Variants in MYO16 observed in about 807,000 individuals in gnomAD.
The protein encoded by MYO16 is unconventional myosin-XVI.
In MYO16, 94 loss-of-function variants were observed where a neutral mutation model predicts 205.3. The observed-to-expected ratio is 0.46, with a 90% CI of 0.39 to 0.54. MYO16 has a LOEUF of 0.54. Among genes scored for constraint, MYO16 ranks in the 20% least tolerant of loss-of-function variants. The pLI is 0.00. For missense variants in MYO16, 2,315 were observed against 2,387.5 expected (o/e 0.97, Z 0.63); for synonymous variants, 988 against 954.0 (o/e 1.04, Z -0.66).
Position 109,184,165 on chromosome 13 carries a change from C to A in MYO16, c.5415+4532C>A, listed in dbSNP as rs145632272. Among the ~76,000 whole-genome samples the A allele has an allele frequency of 5.3e-5, 8 of 152,132 alleles. No individual in the cohort carries two copies. In the East Asian group the frequency reaches 1.5e-3, roughly 29 times the overall value. On this transcript the variant is annotated intron_variant, in intron 34 of 34. Coordinates refer to ENST00000457511, the MANE Select transcript of MYO16 (RefSeq NM_001198950.3). ...ATGTCAGGGAACGTAAGTAAGATAACCCTTTCAAAAGGAAACATATATAAA... is the reference window on the plus strand; with the variant it reads ...ATGTCAGGGAACGTAAGTAAGATAAACCTTTCAAAAGGAAACATATATAAA...
intron 34 of MYO16, among the ~76,000 whole-genome samples, chr13:109,196,212 G>A (rs1261254248): frequency 6.6e-6 from 1 of 152,158 alleles, no homozygotes; most frequent in African/African-American, 2.4e-5. Flanking sequence ...ATGGAAAGTA[G>A]ATTCATGTCT....
chr13:109,103,332 G>A (rs1889028498), intron 28 of MYO16, among the ~76,000 whole-genome samples: 1 of 152,122 alleles, frequency 6.6e-6, no homozygotes, highest in Non-Finnish European at 1.5e-5. Context: ...GGACAACAAG[G>A]TTGTATCGGA....
intron 2 of MYO16, among the ~76,000 whole-genome samples, chr13:108,693,875 A>G (rs1161143234): frequency 1.3e-5 from 2 of 152,106 alleles, no homozygotes; most frequent in African/African-American, 4.8e-5. Context: ...TTCACCCTCC[A>G]GTTGGCCCCA....
intron 23 of MYO16, among the ~76,000 whole-genome samples, chr13:109,037,992 G>T (rs1886767921): frequency 6.7e-6 from 1 of 149,842 alleles, no homozygotes; most frequent in Non-Finnish European, 1.5e-5. Context: ...TGTGAGTAGG[G>T]TAGAGGAAAG....
At chr13:108,915,195 C>T (rs1273615867) in intron 16 of MYO16, among the ~76,000 whole-genome samples, 2 of 152,102 alleles carry the variant, frequency 1.3e-5, no homozygotes, top group African/African-American at 4.8e-5. Flanking sequence ...TGCATGAAAA[C>T]AGTATTTATA....
In MYO16 at chr13:108,883,050, G is replaced by A; in HGVS notation, c.1426-9G>A. The A allele has an allele frequency of 6.2e-7, 1 of 1,613,660 alleles. No individual in the cohort carries two copies. Among genetic ancestry groups the A allele is most frequent in the Non-Finnish European group, 8.5e-7 (1 of 1,179,724 alleles). On this transcript the variant is annotated splice_polypyrimidine_tract_variant and intron_variant, in intron 12 of 34. Coordinates refer to ENST00000457511, the MANE Select transcript of MYO16 (RefSeq NM_001198950.3). Reference sequence around the variant, plus strand: ...GAGGTTTTCCCCTTGCTGCTGCCCTGTTTTCCAGGTGTCCCAGCTGTATTT... The same window carrying A: ...GAGGTTTTCCCCTTGCTGCTGCCCTATTTTCCAGGTGTCCCAGCTGTATTT...
intron 1 of MYO16, among the ~76,000 whole-genome samples, chr13:108,622,217 T>A (rs1879568921): frequency 1.3e-5 from 2 of 152,144 alleles, no homozygotes; most frequent in South Asian, 4.1e-4. Context: ...TTCATGAATA[T>A]AAAGATAGCA....
At position 108,784,298 on chromosome 13, in the gene MYO16, TGAG is replaced by T. The variant is rs79658413; in HGVS notation, c.508-1334_508-1332del. ...TGCACTAACAAGATAATTTGAATCT[TGAG>T]GACCTTAAAATTATAAAGGTCCTTA... On this transcript the variant is annotated intron_variant, in intron 4 of 34. Coordinates refer to ENST00000457511, the MANE Select transcript of MYO16 (RefSeq NM_001198950.3). Among the ~76,000 whole-genome samples, 15 of 152,316 alleles carry T rather than the reference TGAG, an allele frequency of 9.8e-5. No homozygotes were observed. The East Asian group carries it at 2.9e-3, about 29-fold the overall frequency.
intron 34 of MYO16, among the ~76,000 whole-genome samples, chr13:109,189,701 C>T (rs999934206): frequency 6.6e-6 from 1 of 152,100 alleles, no homozygotes; most frequent in African/African-American, 2.4e-5. Context: ...GAAAAAAAAT[C>T]GTCTTTTATG....
rs142982422 is a variant in MYO16, at chr13:108,650,825, T to C, written c.29-15061T>C. Among the ~76,000 whole-genome samples the C allele has an allele frequency of 4.6e-3, 701 of 152,278 alleles. 4 individuals carry two copies. The highest frequency in any genetic ancestry group is 0.016 in the African/African-American group (666 of 41,564). ...GGGGCATTTAGGAAAAGACAGGTTCTGGTGTGCAGCATATGACGCTTCATC... is the reference window on the plus strand; with the variant it reads ...GGGGCATTTAGGAAAAGACAGGTTCCGGTGTGCAGCATATGACGCTTCATC... On this transcript the variant is annotated intron_variant, in intron 1 of 34. Coordinates refer to ENST00000457511, the MANE Select transcript of MYO16 (RefSeq NM_001198950.3).
chr13:108,803,550 A>G (rs561643261), intron 6 of MYO16, among the ~76,000 whole-genome samples: 2 of 152,140 alleles, frequency 1.3e-5, no homozygotes, highest in Non-Finnish European at 2.9e-5. Flanking sequence ...GGATCATAAG[A>G]AGAGAAGATG....
chr13:109,185,555 C>A (rs1176746099), intron 34 of MYO16, among the ~76,000 whole-genome samples: 1 of 152,110 alleles, frequency 6.6e-6, no homozygotes, highest in Non-Finnish European at 1.5e-5. Flanking sequence ...CAATATTTTT[C>A]TGGGATTTTG....
the MYO16 span, among the ~76,000 whole-genome samples, chr13:108,588,480 T>C: frequency 6.6e-6 from 1 of 152,210 alleles, no homozygotes; most frequent in East Asian, 1.9e-4. Context: ...GTTTTTAATA[T>C]ACTTCCCCTC....
chr13:108,639,636 A>G (rs1880412141), intron 1 of MYO16, among the ~76,000 whole-genome samples: 1 of 152,228 alleles, frequency 6.6e-6, no homozygotes, highest in African/African-American at 2.4e-5. Context: ...ATCCACTAAG[A>G]TGGAATTCTT....
chr13:108,623,157 G>A (rs1222112759), intron 1 of MYO16, among the ~76,000 whole-genome samples: 2 of 152,100 alleles, frequency 1.3e-5, no homozygotes, highest in Non-Finnish European at 2.9e-5. Flanking sequence ...ATTTAACCAA[G>A]GCTGCCAATG....
chr13:108,757,482 G>GT (rs1210246649), intron 4 of MYO16, among the ~76,000 whole-genome samples: 3 of 150,364 alleles, frequency 2.0e-5, no homozygotes, highest in Non-Finnish European at 4.4e-5. Context: ...GTTTTTTGGG[G>GT]TTTTTTTTAA....
At chr13:109,170,837 T>TAAC (rs1234126926) in intron 33 of MYO16, among the ~76,000 whole-genome samples, 2 of 152,186 alleles carry the variant, frequency 1.3e-5, no homozygotes, top group Non-Finnish European at 2.9e-5. Context: ...CTTCAGCATG[T>TAAC]AACACATAGT....
At chr13:108,529,130 A>G in the MYO16 span, among the ~76,000 whole-genome samples, 1 of 152,160 alleles carries the variant, frequency 6.6e-6, no homozygotes, top group African/African-American at 2.4e-5. Context: ...CACCAGTACT[A>G]ACCACCAATT....
chr13:109,000,876 C>A (rs1019656106), intron 21 of MYO16, among the ~76,000 whole-genome samples: 1 of 151,906 alleles, frequency 6.6e-6, no homozygotes, highest in South Asian at 2.1e-4. Flanking sequence ...TCGATAGACT[C>A]CTTTTTGAAG....
Sources: allele counts gnomAD v4.1 joint callset (sites outside exome capture counted in the v4.1 genomes callset), GRCh38; gene constraint gnomAD v4.1.1; transcripts MANE v1.5; gene names NCBI Gene and HGNC (gene_info 2026-07-23, HGNC 2026-07-21).